Variants in TTLL5 observed in about 807,000 individuals in gnomAD.
TTLL5 encodes the protein tubulin tyrosine ligase like 5, also known as tubulin polyglutamylase TTLL5.
Under a neutral mutation model 168.4 loss-of-function variants are expected in TTLL5, and 132 were observed. That is an observed-to-expected ratio of 0.78 (90% CI 0.68 to 0.91). The LOEUF (loss-of-function observed/expected upper bound fraction) is 0.91, where lower values mean the gene tolerates loss of function less well. Among genes scored for constraint, TTLL5 ranks in the 40% least tolerant of loss-of-function variants. TTLL5 has a pLI of 0.00. For synonymous variants in TTLL5, 546 were observed against 558.6 expected (o/e 0.98, Z 0.32); for missense variants, 1,545 against 1,581.5 (o/e 0.98, Z 0.39).
chr14:75,856,561 G>A (rs1455260407), intron 28 of TTLL5, among the ~76,000 whole-genome samples: 1 of 149,350 alleles, frequency 6.7e-6, no homozygotes, highest in Non-Finnish European at 1.5e-5. Flanking sequence ...GTGACCTTAT[G>A]TATTTTCTAT....
intron 26 of TTLL5, among the ~76,000 whole-genome samples, chr14:75,790,460 CTTTCTTTT>C (rs955575947): frequency 1.3e-5 from 2 of 151,332 alleles, no homozygotes; most frequent in African/African-American, 4.9e-5. Context: ...CAGGAATTTT[CTTTCTTTT>C]TTTCTTTTTT....
At chr14:75,754,668 A>G (rs1890139254) in intron 18 of TTLL5, among the ~76,000 whole-genome samples, 1 of 152,190 alleles carries the variant, frequency 6.6e-6, no homozygotes, top group Non-Finnish European at 1.5e-5. Context: ...ATTAAATAGT[A>G]AGAGCTAGCA....
At position 75,752,892 on chromosome 14, in the gene TTLL5, G is replaced by T. The variant is rs990308427; in HGVS notation, c.1488-1G>T. 1.9e-6 allele frequency: 3 copies of T among 1,612,568 alleles called. No homozygotes were observed. Among genetic ancestry groups the T allele is most frequent in the Non-Finnish European group, 2.5e-6 (3 of 1,179,304 alleles). On this transcript the variant is annotated splice_acceptor_variant, in intron 17 of 31. Transcript: ENST00000298832. LOFTEE classifies it high-confidence loss of function. The stretch of plus-strand genomic sequence containing the variant: ...AACCAGTTTCTTTCTTTGCTTTTCA[G>T]GTCCTACCTCGAGCATAAGACCTCA...
intron 13 of TTLL5, among the ~76,000 whole-genome samples, chr14:75,732,958 CA>C (rs1197124065): frequency 2.6e-5 from 4 of 151,976 alleles, no homozygotes; most frequent in African/African-American, 7.2e-5. Flanking sequence ...TTTTCAATAC[CA>C]GGGAAAATTC....
intron 18 of TTLL5, among the ~76,000 whole-genome samples, chr14:75,756,686 T>G (rs573703978): frequency 6.4e-4 from 97 of 152,010 alleles, no homozygotes; most frequent in Non-Finnish European, 1.3e-3. Context: ...TTTTGTATTT[T>G]GTAGTAGAGA....
chr14:75,799,703 ACTAT>A (rs1206368926), intron 27 of TTLL5, among the ~76,000 whole-genome samples: 3 of 152,156 alleles, frequency 2.0e-5, no homozygotes, highest in African/African-American at 7.2e-5. Context: ...TCTGAAAAAG[ACTAT>A]CTTTCCTTCA....
intron 27 of TTLL5, among the ~76,000 whole-genome samples, chr14:75,800,512 G>A (rs745845825): frequency 6.6e-6 from 1 of 152,132 alleles, no homozygotes; most frequent in Non-Finnish European, 1.5e-5. Context: ...TTGCTAGTGA[G>A]CTAGTGTGAT....
intron 31 of TTLL5, among the ~76,000 whole-genome samples, chr14:75,953,905 A>G (rs1348167805): frequency 1.3e-5 from 2 of 152,152 alleles, no homozygotes; most frequent in African/African-American, 4.8e-5. Context: ...AAGAAACAGC[A>G]GTAGAATTGG....
intron 28 of TTLL5, among the ~76,000 whole-genome samples, chr14:75,844,945 C>G (rs1428726116): frequency 1.3e-5 from 2 of 152,206 alleles, no homozygotes; most frequent in African/African-American, 4.8e-5. Flanking sequence ...CAGCATCTCT[C>G]CACCCTCCAC....
At chr14:75,847,047 G>A (rs1421228281) in intron 28 of TTLL5, among the ~76,000 whole-genome samples, 3 of 151,954 alleles carry the variant, frequency 2.0e-5, no homozygotes, top group Non-Finnish European at 4.4e-5. Context: ...TGTCGCCCAG[G>A]CTGCAGTATA....
At chr14:75,840,329 C>T (rs1896152571) in intron 28 of TTLL5, among the ~76,000 whole-genome samples, 1 of 152,144 alleles carries the variant, frequency 6.6e-6, no homozygotes, top group Admixed American at 6.5e-5. Context: ...CTGCACCTAT[C>T]AACCTGTCAT....
At chr14:75,802,292 A>G (rs1566610565) in intron 27 of TTLL5, among the ~76,000 whole-genome samples, 1 of 151,710 alleles carries the variant, frequency 6.6e-6, no homozygotes, top group East Asian at 1.9e-4. Flanking sequence ...CACTCTTGGT[A>G]TTTTTTTCAC....
chr14:75,895,585 T>TAAAG (rs1377775878), intron 30 of TTLL5, among the ~76,000 whole-genome samples: 2 of 152,086 alleles, frequency 1.3e-5, no homozygotes, highest in Admixed American at 1.3e-4. Context: ...ACTCATGCAT[T>TAAAG]AAAGAGATAA....
At chr14:75,746,674 C>T (rs1177682250) in intron 17 of TTLL5, among the ~76,000 whole-genome samples, 1 of 151,704 alleles carries the variant, frequency 6.6e-6, no homozygotes, top group Non-Finnish European at 1.5e-5. Context: ...GCTATCCTGC[C>T]ACCTCAGCCT....
In TTLL5 at chr14:75,943,466, C is replaced by T. The variant is rs1002105914; in HGVS notation, c.3824-10958C>T. Among the ~76,000 whole-genome samples, 3 of 151,914 alleles carry T rather than the reference C, an allele frequency of 2.0e-5. No individual in the cohort carries two copies. The East Asian group carries it at 5.8e-4, about 29-fold the overall frequency. Reference sequence around the variant, plus strand: ...AAATGGAGTGGAGAAGGGGAATCTCCCCTGGTAATTTATAACCACAAGCTG... The same window carrying T: ...AAATGGAGTGGAGAAGGGGAATCTCTCCTGGTAATTTATAACCACAAGCTG... On this transcript the variant is annotated intron_variant, in intron 31 of 31. Coordinates refer to ENST00000298832, the MANE Select transcript of TTLL5 (RefSeq NM_015072.5).
intron 7 of TTLL5, among the ~76,000 whole-genome samples, chr14:75,700,975 C>T (rs1886226747): frequency 6.6e-6 from 1 of 151,756 alleles, no homozygotes; most frequent in Admixed American, 6.6e-5. Flanking sequence ...AAGTTATCTT[C>T]TTATTTGTCT....
intron 27 of TTLL5, 53 bp from the exon 28 acceptor site, chr14:75,819,954 A>G: frequency 6.5e-7 from 1 of 1,540,610 alleles, no homozygotes; most frequent in Non-Finnish European, 8.7e-7. Context: ...GTTGTTAATG[A>G]TGCTTTTTAA....
chr14:75,791,741 G>T (rs1318206345), intron 26 of TTLL5, among the ~76,000 whole-genome samples: 1 of 152,040 alleles, frequency 6.6e-6, no homozygotes, highest in Non-Finnish European at 1.5e-5. Context: ...TAGTAAACGT[G>T]AAAAAGTTAC....
At chr14:75,733,904 T>C (rs1472174949) in intron 13 of TTLL5, 85 bp from the exon 14 acceptor site, 6 of 1,317,644 alleles carry the variant, frequency 4.6e-6, no homozygotes, top group African/African-American at 1.5e-5. Flanking sequence ...TTTGGAAACT[T>C]TGCTATATTG....
Sources: allele counts gnomAD v4.1 joint callset (sites outside exome capture counted in the v4.1 genomes callset), GRCh38; gene constraint gnomAD v4.1.1; transcripts MANE v1.5; gene names NCBI Gene and HGNC (gene_info 2026-07-23, HGNC 2026-07-21).